Variants in CPS1 observed in about 807,000 individuals in gnomAD.
CPS1 encodes carbamoyl-phosphate synthase [ammonia], mitochondrial.
Under a neutral mutation model 174.6 loss-of-function variants are expected in CPS1, and 109 were observed. The observed-to-expected ratio is 0.62, with a 90% confidence interval of 0.53 to 0.73. The LOEUF (loss-of-function observed/expected upper bound fraction) is 0.73, where lower values mean the gene tolerates loss of function less well. CPS1 is among the 30% of genes least tolerant of loss of function. The probability of loss-of-function intolerance (pLI) is 0.00; values close to 1 mark genes in which losing one functional copy is unlikely to be tolerated. For missense variants in CPS1, 1,689 were observed against 1,821.9 expected, an observed-to-expected ratio of 0.93 and a Z score of 1.33; for synonymous variants, 637 against 632.0, an observed-to-expected ratio of 1.01 and a Z score of -0.12.
intron 1 of CPS1, among the ~76,000 whole-genome samples, chr2:210,567,713 T>C (rs1697349686): frequency 6.6e-6 from 1 of 152,170 alleles, no homozygotes; most frequent in Admixed American, 6.5e-5. Flanking sequence ...GCATTACTTA[T>C]ATGACACCTG....
At chr2:210,573,676 T>G (rs573287082) in intron 2 of CPS1, among the ~76,000 whole-genome samples, 1 of 152,106 alleles carries the variant, frequency 6.6e-6, no homozygotes, top group African/African-American at 2.4e-5. Flanking sequence ...ACTTAGGTTG[T>G]GAGGACACAG....
At chr2:210,499,582 C>A (rs556710874) in intron 1 of CPS1, among the ~76,000 whole-genome samples, 3 of 152,192 alleles carry the variant, frequency 2.0e-5, no homozygotes, top group African/African-American at 7.2e-5. Context: ...TGTATGCACT[C>A]GGGTTAAAAA....
In CPS1 at chr2:210,590,815, C is replaced by G. The variant is rs202130487; in HGVS notation, c.856C>G (p.Arg286Gly). 6.2e-7 allele frequency: 1 copy of G among 1,610,176 alleles called. No individual in the cohort carries two copies. The highest frequency in any genetic ancestry group is 1.3e-5 in the African/African-American group (1 of 74,652). ...CCTGATTTAGATTTTGGAGAGTGATCGCAAGGAGCCATTGTTTGGAATCAG... is the reference window on the plus strand; with the variant it reads ...CCTGATTTAGATTTTGGAGAGTGATGGCAAGGAGCCATTGTTTGGAATCAG... ...QNVRKILESD[R>G]KEPLFGISTG... Residue 286 changes from arginine to glycine, a missense_variant, in exon 9 of 38, where the codon CGC becomes GGC. Arg to Gly is a moderately radical substitution (Grantham distance 125). Coordinates refer to ENST00000233072, the MANE Select transcript of CPS1 (RefSeq NM_001875.5).
chr2:210,492,070 G>A (rs1395652595), intron 1 of CPS1, among the ~76,000 whole-genome samples: 1 of 152,176 alleles, frequency 6.6e-6, no homozygotes, highest in African/African-American at 2.4e-5. Flanking sequence ...TTAGATTGTG[G>A]CCTACCAATA....
chr2:210,662,770 T>C (rs1257999336), intron 32 of CPS1, among the ~76,000 whole-genome samples: 2 of 152,238 alleles, frequency 1.3e-5, no homozygotes, highest in Non-Finnish European at 2.9e-5. Flanking sequence ...AAAAATGTGT[T>C]TGAACTCTGT....
At chr2:210,594,372 C>CA in intron 11 of CPS1, 136 bp from the exon 12 acceptor site, 3 of 663,190 alleles carry the variant, frequency 4.5e-6, no homozygotes, top group South Asian at 1.7e-5. Context: ...GACAAAAAAG[C>CA]AAAAAAAGCT....
intron 21 of CPS1, among the ~76,000 whole-genome samples, chr2:210,628,388 TC>T (rs1699756474): frequency 1.3e-5 from 2 of 152,330 alleles, no homozygotes; most frequent in South Asian, 4.1e-4. Flanking sequence ...TCTAGCATTT[TC>T]CCACATCCTC....
intron 1 of CPS1, among the ~76,000 whole-genome samples, chr2:210,568,328 G>A (rs772383845): frequency 7.9e-5 from 12 of 152,088 alleles, no homozygotes; most frequent in Admixed American, 2.6e-4. Flanking sequence ...AGCCAGATGA[G>A]AGGACTTTGA....
At position 210,678,761 on chromosome 2, in the gene CPS1, T is replaced by A. The variant is rs557541410; in HGVS notation, c.*776T>A. 6.6e-6 allele frequency: 1 copy of A among 152,458 alleles called. No homozygotes were observed. Among genetic ancestry groups the A allele is most frequent in the South Asian group, 2.1e-4 (1 of 4,834 alleles). 9.4% of individuals were successfully genotyped at this position (152,458 alleles called of 1,614,324 possible). A position where few individuals can be genotyped will look rare whatever the true frequency, so the allele number is the denominator to read the frequency against. On this transcript the variant is annotated 3_prime_UTR_variant, in exon 38 of 38. Transcript: ENST00000233072. The stretch of plus-strand genomic sequence containing the variant: ...TGGTTTGCAGTTTTGTTTTCTGGAC[T>A]ATATCAGCAGATGGTAGACAGTGTT...
At chr2:210,569,023 C>T (rs867014532) in intron 1 of CPS1, among the ~76,000 whole-genome samples, 11 of 151,830 alleles carry the variant, frequency 7.2e-5, no homozygotes, top group African/African-American at 2.4e-4. Flanking sequence ...TAGAAACATT[C>T]TGCTAAATAC....
intron 21 of CPS1, among the ~76,000 whole-genome samples, chr2:210,620,100 A>G (rs1321815697): frequency 6.6e-6 from 1 of 152,158 alleles, no homozygotes; most frequent in East Asian, 1.9e-4. Context: ...AAAGAAATAT[A>G]AAAACAAGAA....
rs1290474919 is a variant in CPS1, at chr2:210,605,094, A to G, written c.1837-8A>G. ...TACTCTTTGATATCTTTTGTCACCA[A>G]TTTCTAGGCCTTTGCTATGACCAAC... On this transcript the variant is annotated splice_polypyrimidine_tract_variant and splice_region_variant and intron_variant, in intron 16 of 37. Transcript: ENST00000233072. The G allele has an allele frequency of 5.6e-6, 9 of 1,611,582 alleles. No homozygotes were observed. The highest frequency in any genetic ancestry group is 7.6e-6 in the Non-Finnish European group (9 of 1,178,388).
chr2:210,655,856 A>G (rs965479534), intron 29 of CPS1, among the ~76,000 whole-genome samples: 1 of 152,180 alleles, frequency 6.6e-6, no homozygotes, highest in Admixed American at 6.5e-5. Flanking sequence ...CAGCTGCATC[A>G]TTTCCCAAGG....
chr2:210,558,450 G>A (rs1190162921), intron 1 of CPS1, among the ~76,000 whole-genome samples: 1 of 152,014 alleles, frequency 6.6e-6, no homozygotes, highest in African/African-American at 2.4e-5. Context: ...GTAACTAGAT[G>A]TAAACTATGA....
intron 1 of CPS1, among the ~76,000 whole-genome samples, chr2:210,536,819 A>G (rs1225963484): frequency 4.6e-5 from 7 of 152,196 alleles, no homozygotes; most frequent in Admixed American, 1.3e-4. Context: ...AGAGAGAAAG[A>G]GCGTAAGAAT....
At chr2:210,607,535 T>G (rs1698960908) in intron 18 of CPS1, among the ~76,000 whole-genome samples, 2 of 151,944 alleles carry the variant, frequency 1.3e-5, no homozygotes, top group African/African-American at 4.8e-5. Context: ...ACACTTAAAT[T>G]ATGGCATTTA....
upstream of CPS1, among the ~76,000 whole-genome samples, chr2:210,552,877 TCAC>T (rs1167705789): frequency 6.6e-6 from 1 of 152,030 alleles, no homozygotes; most frequent in Non-Finnish European, 1.5e-5. Flanking sequence ...GTATTCAACT[TCAC>T]CAGTGATTTA....
chr2:210,481,321 A>T (rs1403940159), intron 1 of CPS1, among the ~76,000 whole-genome samples: 1 of 152,192 alleles, frequency 6.6e-6, no homozygotes, highest in African/African-American at 2.4e-5. Flanking sequence ...ATGTGTCTAT[A>T]TTGCATTGTT....
chr2:210,577,174 G>A lies in CPS1; in HGVS notation c.382-247G>A, dbSNP rs1697739828. On this transcript the variant is annotated intron_variant, in intron 3 of 37. Coordinates refer to ENST00000233072, the MANE Select transcript of CPS1 (RefSeq NM_001875.5). The stretch of plus-strand genomic sequence containing the variant: ...TTGATAAATGCCATGCATGTCAGAA[G>A]GGGGACCTAGTTTAGTCTCAGGATT... 4 of 537,788 alleles carry A rather than the reference G, an allele frequency of 7.4e-6. No homozygotes were observed. In the East Asian group the frequency reaches 1.3e-4, roughly 17 times the overall value. The allele number at this position is 537,788 out of a possible 1,614,324, so 33.3% of individuals were successfully genotyped here. A position where few individuals can be genotyped will look rare whatever the true frequency, so the allele number is the denominator to read the frequency against.
Sources: gnomAD v4.1 joint callset for allele counts (sites outside exome capture counted in the v4.1 genomes callset) on GRCh38, gnomAD v4.1.1 for gene constraint, MANE v1.5 for transcripts, NCBI Gene and HGNC (gene_info 2026-07-23, HGNC 2026-07-21) for gene names.